The following PRKCZ variants were observed in gnomAD, a reference collection of about 807,000 sequenced individuals.
The protein encoded by PRKCZ is protein kinase C zeta, also known as protein kinase C zeta type.
PRKCZ carries 33 observed loss-of-function variants against 79.5 expected under a neutral mutation model. The ratio of observed to expected loss-of-function variants is 0.41; its 90% CI spans 0.31 to 0.55. PRKCZ has a LOEUF of 0.55. Ranked by LOEUF, PRKCZ falls within the 20% of genes least tolerant of loss-of-function variation. PRKCZ has a pLI of 0.19. For synonymous variants in PRKCZ, 342 were observed against 320.9 expected, an observed-to-expected ratio of 1.07 and a Z score of -0.70; for missense variants, 578 against 813.5, an observed-to-expected ratio of 0.71 and a Z score of 3.52.
intron 1 of PRKCZ, among the ~76,000 whole-genome samples, chr1:2,051,991 A>C (rs1210300531): frequency 6.6e-6 from 1 of 152,178 alleles, no homozygotes; most frequent in South Asian, 2.1e-4. Flanking sequence ...CTGAAGAGGT[A>C]GGGCAGCCAT....
At chr1:2,072,433 C>A (rs1265518528) in intron 4 of PRKCZ, among the ~76,000 whole-genome samples, 1 of 152,206 alleles carries the variant, frequency 6.6e-6, no homozygotes, top group Non-Finnish European at 1.5e-5. Context: ...CTCGCGGGGC[C>A]ATGCGGGCAA....
intron 5 of PRKCZ, chr1:2,142,294 C>A (rs978077823): frequency 1.8e-5 from 4 of 223,948 alleles, no homozygotes; most frequent in South Asian, 7.4e-5. Flanking sequence ...AGCCGAAGCG[C>A]CTCCTTTCAC....
intron 4 of PRKCZ, among the ~76,000 whole-genome samples, chr1:2,095,870 T>G: frequency 2.0e-5 from 1 of 50,330 alleles, no homozygotes; most frequent in African/African-American, 9.5e-5. Context: ...CTCCCTTCTT[T>G]TCCTTTCCCC....
At chr1:2,137,096 C>T (rs1397710678) in intron 5 of PRKCZ, among the ~76,000 whole-genome samples, 7 of 152,212 alleles carry the variant, frequency 4.6e-5, no homozygotes, top group Non-Finnish European at 7.3e-5. Context: ...ACAGTGCAGC[C>T]TTCAGCCTCT....
rs969036794 is a variant in PRKCZ, at chr1:2,168,800, C to G, written c.975-718C>G. On this transcript the variant is annotated intron_variant, in intron 10 of 17. Transcript: ENST00000378567. This position sits in a 1 kb window ranked among gnomAD's most constrained non-coding sequence, Gnocchi z 4.7. Reference sequence around the variant, plus strand: ...TTCAGGTGCCAGAGGAGCCGCTGACCTAAAAAAACCCGCCACAGGGTATTT... The same window carrying G: ...TTCAGGTGCCAGAGGAGCCGCTGACGTAAAAAAACCCGCCACAGGGTATTT... The G allele has an allele frequency of 5.1e-6, 1 of 196,886 alleles. No individual in the cohort carries two copies. Among genetic ancestry groups the G allele is most frequent in the African/African-American group, 2.3e-5 (1 of 42,574 alleles). 12.2% of individuals were successfully genotyped at this position (196,886 alleles called of 1,614,324 possible). A position where few individuals can be genotyped will look rare whatever the true frequency, so the allele number is the denominator to read the frequency against.
At chr1:2,102,887 C>T (rs1167311131) in intron 4 of PRKCZ, among the ~76,000 whole-genome samples, 2 of 151,410 alleles carry the variant, frequency 1.3e-5, no homozygotes, top group Non-Finnish European at 1.5e-5. Flanking sequence ...CCCCGTCTGT[C>T]TCTCTCTCAA....
chr1:2,121,562 GGCTGTA>G (rs1463084031), intron 4 of PRKCZ, among the ~76,000 whole-genome samples: 1,562 of 97,924 alleles, frequency 0.016, 67 homozygotes, highest in Middle Eastern at 0.022. Context: ...TTAGGGCTAT[GGCTGTA>G]GTTAGGGTGA....
intron 7 of PRKCZ, among the ~76,000 whole-genome samples, chr1:2,146,349 G>A (rs745867316): frequency 4.6e-5 from 7 of 152,204 alleles, no homozygotes; most frequent in South Asian, 2.1e-4. Context: ...GGATGCCTCC[G>A]TGAAGTGCTG....
intron 11 of PRKCZ, 21 bp downstream of exon 11, chr1:2,169,625 C>T (rs1684024464): frequency 1.4e-6 from 2 of 1,404,380 alleles, no homozygotes; most frequent in Middle Eastern, 2.4e-4. Flanking sequence ...GTGGACGGGG[C>T]CGGGTGGGTG....
chr1:2,147,948 ATTG>A (rs1678991553), intron 7 of PRKCZ, among the ~76,000 whole-genome samples: 1 of 137,144 alleles, frequency 7.3e-6, no homozygotes, highest in African/African-American at 2.8e-5. Flanking sequence ...CCATCTATCT[ATTG>A]TCCACTGACC....
chr1:2,119,310 G>T (rs1219634798), intron 4 of PRKCZ, among the ~76,000 whole-genome samples: 1 of 151,332 alleles, frequency 6.6e-6, no homozygotes, highest in Non-Finnish European at 1.5e-5. Flanking sequence ...CACCTCCTGG[G>T]TTCAAGTGAT....
rs775450350 is a variant in PRKCZ, at chr1:2,059,527, T to G, written c.284-14T>G. The G allele has an allele frequency of 6.2e-7, 1 of 1,613,990 alleles. No individual in the cohort carries two copies. The highest frequency in any genetic ancestry group is 8.5e-7 in the Non-Finnish European group (1 of 1,179,982). On this transcript the variant is annotated splice_polypyrimidine_tract_variant and intron_variant, in intron 3 of 17. Transcript: ENST00000378567. ...GCAGGGTCTTGACGCTGTCTCTTTC[T>G]CTCTCTTGTCCAGTTTTCCCGAGCA...
At position 2,167,069 on chromosome 1, in the gene PRKCZ, TGAA is replaced by T. The variant is rs541544673; in HGVS notation, c.975-2445_975-2443del. On this transcript the variant is annotated intron_variant, in intron 10 of 17. Transcript: ENST00000378567. The stretch of plus-strand genomic sequence containing the variant: ...AGATTGTCCTGGTGGGTTTTTGCTC[TGAA>T]GAAATGTCAAAAGTAGCATTAAGGT... 2.3e-3 allele frequency among the ~76,000 whole-genome samples: 356 copies of T among 152,366 alleles called. 1 individual carries two copies. The highest frequency in any genetic ancestry group is 8.0e-3 in the African/African-American group (334 of 41,582).
At chr1:2,108,172 G>A (rs779949338) in intron 4 of PRKCZ, among the ~76,000 whole-genome samples, 6 of 152,246 alleles carry the variant, frequency 3.9e-5, no homozygotes, top group African/African-American at 7.2e-5. Flanking sequence ...TCGAGTACCC[G>A]TGTGATCTCT....
intron 4 of PRKCZ, among the ~76,000 whole-genome samples, chr1:2,093,566 C>T (rs1237904117): frequency 2.0e-5 from 3 of 152,126 alleles, no homozygotes; most frequent in Non-Finnish European, 4.4e-5. Flanking sequence ...TGGAAAAGGT[C>T]CTGGTGACAG....
At chr1:2,120,884 G>A (rs1339207645) in intron 4 of PRKCZ, among the ~76,000 whole-genome samples, 1 of 145,234 alleles carries the variant, frequency 6.9e-6, no homozygotes, top group African/African-American at 2.6e-5. Context: ...CACGCTCTCG[G>A]CTCACTGCAA....
At chr1:2,166,671 C>G (rs1458342985) in intron 10 of PRKCZ, among the ~76,000 whole-genome samples, 1 of 151,420 alleles carries the variant, frequency 6.6e-6, no homozygotes, top group Non-Finnish European at 1.5e-5. Context: ...GAGGGGCAGC[C>G]TCAGCCCCCC....
chr1:2,055,756 G>C (rs557085757), intron 2 of PRKCZ, 194 bp downstream of exon 2: 4 of 770,692 alleles, frequency 5.2e-6, no homozygotes, highest in Admixed American at 3.4e-5. Flanking sequence ...AAGGACCTGG[G>C]CCCAGATGCC....
At chr1:2,160,017 C>T (rs980833402) in intron 10 of PRKCZ, among the ~76,000 whole-genome samples, 4 of 152,162 alleles carry the variant, frequency 2.6e-5, no homozygotes, top group African/African-American at 9.7e-5. Flanking sequence ...CCTTAAAATA[C>T]GCCCATTCAC....
Sources: gnomAD v4.1 joint callset for allele counts (sites outside exome capture counted in the v4.1 genomes callset) on GRCh38, gnomAD v4.1.1 for gene constraint, Gnocchi (gnomAD v3.1) non-coding constraint, MANE v1.5 for transcripts, NCBI Gene and HGNC (gene_info 2026-07-23, HGNC 2026-07-21) for gene names.